Variants in CACNA1H observed in about 807,000 individuals in gnomAD.
CACNA1H encodes voltage-dependent T-type calcium channel subunit alpha-1H.
A neutral mutation model predicts 192.5 loss-of-function variants in CACNA1H; 149 were observed. The observed-to-expected ratio is 0.77, with a 90% CI of 0.68 to 0.89. The LOEUF (loss-of-function observed/expected upper bound fraction) is 0.89. CACNA1H is among the 40% of genes least tolerant of loss of function. CACNA1H has a pLI of 0.00. For missense variants in CACNA1H, 4,257 were observed against 3,423.5 expected (o/e 1.24, Z -6.08); for synonymous variants, 2,202 against 1,475.2 (o/e 1.49, Z -11.29).
intron 30 of CACNA1H, among the ~76,000 whole-genome samples, chr16:1,216,519 G>A (rs540433884): frequency 5.2e-4 from 79 of 152,334 alleles, no homozygotes; most frequent in African/African-American, 1.8e-3. Flanking sequence ...CTGCGTGCTG[G>A]CCTGGGCCCC....
intron 5 of CACNA1H, among the ~76,000 whole-genome samples, chr16:1,198,384 C>T (rs985722754): frequency 3.3e-5 from 5 of 152,168 alleles, no homozygotes; most frequent in Non-Finnish European, 5.9e-5. Context: ...GCTGGATGCA[C>T]GTCAGACCCC....
chr16:1,185,284 G>A (rs1223643085), intron 2 of CACNA1H, among the ~76,000 whole-genome samples: 1 of 152,202 alleles, frequency 6.6e-6, no homozygotes, highest in Non-Finnish European at 1.5e-5. Context: ...TCCATCACAG[G>A]CCATCGGGGT....
At chr16:1,165,036 C>T (rs932069853) in intron 2 of CACNA1H, among the ~76,000 whole-genome samples, 7 of 152,148 alleles carry the variant, frequency 4.6e-5, no homozygotes, top group Admixed American at 3.9e-4. Flanking sequence ...TGAAGGACAC[C>T]TGTGCAGGGG....
At chr16:1,187,475 C>G (rs544142390) in intron 2 of CACNA1H, among the ~76,000 whole-genome samples, 8 of 152,382 alleles carry the variant, frequency 5.2e-5, no homozygotes, top group Admixed American at 3.3e-4. Context: ...CCGCCCACAC[C>G]CCTGCCCCTG....
chr16:1,219,913 C>T (rs1970347066), intron 34 of CACNA1H, 68 bp from the exon 35 acceptor site: 1 of 1,204,860 alleles, frequency 8.3e-7, no homozygotes, highest in Admixed American at 4.2e-5. Flanking sequence ...TGAGGGGTCT[C>T]CGAGCCCTGG....
Position 1,221,179 on chromosome 16 carries a change from A to G in CACNA1H, c.*185A>G, listed in dbSNP as rs1195133036. The G allele has an allele frequency of 1.6e-5, 9 of 547,370 alleles. No homozygotes were observed. The highest frequency in any genetic ancestry group is 2.9e-5 in the Non-Finnish European group (9 of 315,294). The allele number at this position is 547,370 out of a possible 1,614,324, so 33.9% of individuals were successfully genotyped here. ...GAAGCAGGAGTAGCTGCCGGGCCCCACGAGCCTCCGTCCGTTCTGGTTCGG... is the reference window on the plus strand; with the variant it reads ...GAAGCAGGAGTAGCTGCCGGGCCCCGCGAGCCTCCGTCCGTTCTGGTTCGG... On this transcript the variant is annotated 3_prime_UTR_variant, in exon 35 of 35. Coordinates refer to ENST00000348261, the MANE Select transcript of CACNA1H (RefSeq NM_021098.3).
rs745597129 is a variant in CACNA1H at position 1,200,495 on chromosome 16, G to C, written c.1043G>C (p.Arg348Pro). The change falls in exon 7 of 35, where the codon CGC (arginine) becomes CCC (proline). Residue 348 changes from arginine (R) to proline (P), a missense_variant. By Grantham distance (103) the Arg-to-Pro change is moderately radical. Coordinates refer to ENST00000348261, the MANE Select transcript of CACNA1H (RefSeq NM_021098.3). ...INWNQYYNVCRSGDSNPHNGA... is the reference protein window; with the variant it reads ...INWNQYYNVCPSGDSNPHNGA... The stretch of plus-strand genomic sequence containing the variant: ...TGGAACCAGTACTACAACGTGTGCC[G>C]CTCGGGTGACTCCAACCCCCACAAC... The C allele has an allele frequency of 1.2e-6, 2 of 1,612,188 alleles. No individual in the cohort carries two copies. Among genetic ancestry groups the C allele is most frequent in the Non-Finnish European group, 1.7e-6 (2 of 1,179,720 alleles).
chr16:1,216,154 G>T (rs1335514646), intron 30 of CACNA1H, among the ~76,000 whole-genome samples: 1 of 152,106 alleles, frequency 6.6e-6, no homozygotes, highest in Non-Finnish European at 1.5e-5. Flanking sequence ...AACCCCCACG[G>T]CTGCCTATGC....
At chr16:1,161,130 C>T (rs975229691) in intron 2 of CACNA1H, among the ~76,000 whole-genome samples, 3 of 152,210 alleles carry the variant, frequency 2.0e-5, no homozygotes, top group African/African-American at 7.2e-5. Context: ...AGGCCTTGAG[C>T]GAGACCTCAG....
rs559586894 is a variant in CACNA1H, at chr16:1,186,794, T to G, written c.300-8178T>G. Among the ~76,000 whole-genome samples, 880 of 152,232 alleles carry G rather than the reference T, an allele frequency of 5.8e-3. 9 individuals are homozygous for G. The highest frequency in any genetic ancestry group is 0.019 in the African/African-American group (778 of 41,536). On this transcript the variant is annotated intron_variant, in intron 2 of 34. Transcript: ENST00000348261. ...ATATTCTGCCCTTCTAGCTCTTCTG[T>G]ATACAAGCAGTGCGCCCTGGTTCTC...
At chr16:1,158,451 C>T (rs1401932737) in intron 2 of CACNA1H, among the ~76,000 whole-genome samples, 1 of 152,112 alleles carries the variant, frequency 6.6e-6, no homozygotes, top group Non-Finnish European at 1.5e-5. Context: ...GGGATGATGG[C>T]AGGGTAGGGG....
At position 1,219,121 on chromosome 16, in the gene CACNA1H, C is replaced by T. The variant is rs4331335; in HGVS notation, c.6039C>T (p.Leu2013=). The change falls in exon 34 of 35, where the codon CTC becomes CTT. Residue 2013 remains leucine, a synonymous_variant. Coordinates refer to ENST00000348261, the MANE Select transcript of CACNA1H (RefSeq NM_021098.3). ...TARSPSLSRL[L]CRQEAVHTDS... Reference sequence around the variant, plus strand: ...GCTCCCCCAGTCTCAGCCGGCTGCTCTGCAGACAGGTAGGAGAAGCCGTTG... The same window carrying T: ...GCTCCCCCAGTCTCAGCCGGCTGCTTTGCAGACAGGTAGGAGAAGCCGTTG... 7.8e-6 allele frequency: 12 copies of T among 1,539,430 alleles called. No homozygotes were observed. Among genetic ancestry groups the T allele is most frequent in the African/African-American group, 2.8e-5 (2 of 72,706 alleles).
In CACNA1H at chr16:1,202,213, G is replaced by T; in HGVS notation, c.1763G>T (p.Arg588Met). The T allele has an allele frequency of 3.2e-6, 5 of 1,553,542 alleles. No individual in the cohort carries two copies. The highest frequency in any genetic ancestry group is 4.3e-6 in the Non-Finnish European group (5 of 1,149,808). Residue 588 changes from arginine (R) to methionine (M), a missense_variant, in exon 9 of 35, where the codon AGG becomes ATG. Arg to Met is a moderately conservative substitution (Grantham distance 91). Transcript: ENST00000348261. ...TGCCACATAGAGGGGCCGCAGGAGA[G>T]GGCCCGGGTGGCACATGCCGCAGCC... is the stretch of plus-strand genomic sequence containing the variant. ...ADCHIEGPQE[R>M]ARVAHAAATA...
At chr16:1,160,314 G>A (rs1445005144) in intron 2 of CACNA1H, 2 of 152,356 alleles carry the variant, frequency 1.3e-5, no homozygotes, top group South Asian at 2.1e-4. Context: ...AGTCACGCGG[G>A]CCCAGGTTGA....
chr16:1,195,151 T>C (rs1337059032), intron 3 of CACNA1H, 68 bp downstream of exon 3: 6 of 105,804 alleles, frequency 5.7e-5, no homozygotes, highest in Non-Finnish European at 1.0e-4. Flanking sequence ...CAAGGCGGAG[T>C]GGGGCGGGGG....
chr16:1,188,844 A>T (rs981402837), intron 2 of CACNA1H, among the ~76,000 whole-genome samples: 1 of 152,036 alleles, frequency 6.6e-6, no homozygotes, highest in Non-Finnish European at 1.5e-5. Context: ...GCCCTGGTAC[A>T]TCCAGGACAG....
chr16:1,214,108 C>T (rs1029435252), intron 27 of CACNA1H, among the ~76,000 whole-genome samples, 177 bp downstream of exon 27: 3 of 151,920 alleles, frequency 2.0e-5, no homozygotes, highest in Non-Finnish European at 4.4e-5. Flanking sequence ...TCCCCTCCCC[C>T]TGTCCTTGGG....
At chr16:1,202,742 A>G (rs1171384732) in intron 9 of CACNA1H, among the ~76,000 whole-genome samples, 1 of 152,030 alleles carries the variant, frequency 6.6e-6, no homozygotes, top group Non-Finnish European at 1.5e-5. Context: ...CTGGGGCAGC[A>G]TCCCATTGCC....
chr16:1,174,585 T>C (rs1420188850), intron 2 of CACNA1H, among the ~76,000 whole-genome samples: 2 of 152,082 alleles, frequency 1.3e-5, no homozygotes, highest in African/African-American at 4.8e-5. Context: ...CGCTCAGGGC[T>C]GTCTGGGCCC....
Sources: allele counts gnomAD v4.1 joint callset (sites outside exome capture counted in the v4.1 genomes callset), GRCh38; gene constraint gnomAD v4.1.1; transcripts MANE v1.5; gene names NCBI Gene and HGNC (gene_info 2026-07-23, HGNC 2026-07-21).